TMEM217B: variants seen among roughly 807,000 people sequenced by gnomAD.
TMEM217B encodes transmembrane protein 217B, also known as putative transmembrane protein 217B.
At chr6:37,240,612 G>T in the TMEM217B span, among the ~76,000 whole-genome samples, 1 of 152,164 alleles carries the variant, frequency 6.6e-6, no homozygotes, top group South Asian at 2.1e-4. Context: ...GGGGACTATG[G>T]GGAGAGGACA....
At chr6:37,240,735 A>C in the TMEM217B span, among the ~76,000 whole-genome samples, 1 of 152,138 alleles carries the variant, frequency 6.6e-6, no homozygotes, top group Non-Finnish European at 1.5e-5. Flanking sequence ...AACATGATTA[A>C]TTTAAAACAG....
chr6:37,248,857 A>G, the TMEM217B span, among the ~76,000 whole-genome samples: 1 of 152,160 alleles, frequency 6.6e-6, no homozygotes, highest in Admixed American at 6.6e-5. Context: ...AAACAATAGA[A>G]ATTTGTTCTC....
At chr6:37,237,313 C>G in the TMEM217B span, among the ~76,000 whole-genome samples, 1 of 152,214 alleles carries the variant, frequency 6.6e-6, no homozygotes, top group Non-Finnish European at 1.5e-5. Flanking sequence ...TTGACATTCT[C>G]TGCCTCCCTC....
chr6:37,232,400 T>G, the TMEM217B span, among the ~76,000 whole-genome samples: 36 of 151,362 alleles, frequency 2.4e-4, no homozygotes, highest in East Asian at 1.2e-3. Context: ...GTTTTCTTTT[T>G]TTTGAGACGG....
chr6:37,218,213 A>C, the TMEM217B span: 1 of 1,300,370 alleles, frequency 7.7e-7, no homozygotes, highest in Non-Finnish European at 9.7e-7. Context: ...TCTGTCACTC[A>C]GGCTGAAGTG....
chr6:37,241,406 G>T, the TMEM217B span, among the ~76,000 whole-genome samples: 5 of 152,294 alleles, frequency 3.3e-5, no homozygotes, highest in East Asian at 9.6e-4. Flanking sequence ...GACCTCAAAA[G>T]CGACATCTCA....
At chr6:37,245,545 G>A in the TMEM217B span, among the ~76,000 whole-genome samples, 1 of 152,332 alleles carries the variant, frequency 6.6e-6, no homozygotes, top group South Asian at 2.1e-4. Context: ...ATAAGTAGCT[G>A]GCATTTTCAG....
chr6:37,218,456 T>C, the TMEM217B span: 17 of 1,612,112 alleles, frequency 1.1e-5, no homozygotes, highest in Admixed American at 1.7e-5. Context: ...GGATTCCAGG[T>C]GTGAGCCACT....
At chr6:37,215,204 G>T in the TMEM217B span, 19 of 1,613,532 alleles carry the variant, frequency 1.2e-5, no homozygotes, top group African/African-American at 2.5e-4. Context: ...TCACTCAGCA[G>T]ACATCTATTG....
chr6:37,226,083 AG>A, the TMEM217B span, among the ~76,000 whole-genome samples: 25 of 152,272 alleles, frequency 1.6e-4, no homozygotes, highest in African/African-American at 5.8e-4. Context: ...AATGAGAACT[AG>A]TGATCTACTG....
the TMEM217B span, chr6:37,213,077 A>C: frequency 2.1e-6 from 2 of 936,050 alleles, no homozygotes; most frequent in African/African-American, 1.7e-5. Context: ...CTAGATATAA[A>C]TCAGAGAGCT....
the TMEM217B span, among the ~76,000 whole-genome samples, chr6:37,239,065 G>A: frequency 3.3e-5 from 5 of 152,342 alleles, no homozygotes; most frequent in African/African-American, 1.2e-4. Flanking sequence ...AAGAGGTGGA[G>A]AGGTTGCAGT....
At chr6:37,249,709 C>A in the TMEM217B span, among the ~76,000 whole-genome samples, 114 of 152,334 alleles carry the variant, frequency 7.5e-4, 3 homozygotes, top group East Asian at 0.018. Context: ...CCCTTAGGAT[C>A]TGACTTTGAA....
chr6:37,222,000 A>AT, the TMEM217B span, among the ~76,000 whole-genome samples: 1 of 152,002 alleles, frequency 6.6e-6, no homozygotes, highest in Non-Finnish European at 1.5e-5. Flanking sequence ...TGGTCCTCCC[A>AT]TTGTCTCCTG....
chr6:37,235,387 A>T, the TMEM217B span, among the ~76,000 whole-genome samples: 1 of 151,980 alleles, frequency 6.6e-6, no homozygotes, highest in Non-Finnish European at 1.5e-5. Flanking sequence ...TTTTTTTGAG[A>T]CAGAGTCTTG....
chr6:37,217,717 C>T, the TMEM217B span: 1 of 985,204 alleles, frequency 1.0e-6, no homozygotes, highest in Non-Finnish European at 1.2e-6. Flanking sequence ...ATAGCACAAA[C>T]CCACCCCAGG....
chr6:37,221,350 C>T, the TMEM217B span, among the ~76,000 whole-genome samples: 6 of 152,110 alleles, frequency 3.9e-5, no homozygotes, highest in Non-Finnish European at 8.8e-5. Context: ...CCACACCTGG[C>T]TAATTTTTGT....
chr6:37,257,843 C>A, the TMEM217B span: 1 of 1,539,116 alleles, frequency 6.5e-7, no homozygotes. Flanking sequence ...GGTTGGCCCT[C>A]AGATTGCGGG....
chr6:37,252,939 G>T, the TMEM217B span, among the ~76,000 whole-genome samples: 129,356 of 151,940 alleles, frequency 0.85, 55,278 homozygotes, highest in South Asian at 0.91. Flanking sequence ...TGTTACCCAG[G>T]TGATGTATAT....
Sources: allele counts gnomAD v4.1 joint callset (sites outside exome capture counted in the v4.1 genomes callset), GRCh38; gene constraint gnomAD v4.1.1; transcripts MANE v1.5; gene names NCBI Gene and HGNC (gene_info 2026-07-23, HGNC 2026-07-21).